The following HMGN5 variants were observed in gnomAD, a reference collection of about 807,000 sequenced individuals.
HMGN5 encodes the protein high mobility group nucleosome binding domain 5, also known as high mobility group nucleosome-binding domain-containing protein 5.
In HMGN5, 4 loss-of-function variants were observed where a neutral mutation model predicts 9.5. That is an observed-to-expected ratio of 0.42 (90% confidence interval 0.21 to 0.96). The LOEUF (loss-of-function observed/expected upper bound fraction) is 0.96. Ranked by LOEUF, HMGN5 falls within the 40% of genes least tolerant of loss-of-function variation. HMGN5 has a pLI of 0.30. For missense variants in HMGN5, 192 were observed against 187.5 expected, an observed-to-expected ratio of 1.02 and a Z score of -0.14; for synonymous variants, 55 against 57.1, an observed-to-expected ratio of 0.96 and a Z score of 0.16.
At chrX:81,169,725 C>T (rs1424381400) in intron 1 of HMGN5, among the ~76,000 whole-genome samples, 1 of 111,129 alleles carries the variant, frequency 9.0e-6, no homozygotes, top group Non-Finnish European at 1.9e-5. Context: ...AAAGATATCC[C>T]TCCTAGGCAA....
chrX:81,151,318 T>G (rs1002972295), intron 1 of HMGN5, among the ~76,000 whole-genome samples: 6 of 111,741 alleles, frequency 5.4e-5, no homozygotes, highest in Admixed American at 2.9e-4. Flanking sequence ...TCTCTGTTTT[T>G]GTACCAGTAC....
chrX:81,127,132 A>G (rs2075286157), intron 1 of HMGN5, among the ~76,000 whole-genome samples: 1 of 112,154 alleles, frequency 8.9e-6, no homozygotes, highest in South Asian at 3.6e-4. Context: ...TGGCACATTG[A>G]AAAAATGACA....
At chrX:81,155,360 G>A (rs1459943901) in intron 1 of HMGN5, among the ~76,000 whole-genome samples, 1 of 107,046 alleles carries the variant, frequency 9.3e-6, no homozygotes, top group African/African-American at 3.4e-5. Flanking sequence ...TGGATATGTT[G>A]CAGGTGAGAA....
At chrX:81,152,742 A>G (rs2075367389) in intron 1 of HMGN5, among the ~76,000 whole-genome samples, 1 of 109,597 alleles carries the variant, frequency 9.1e-6, no homozygotes, top group African/African-American at 3.3e-5. Flanking sequence ...CTTGGAACCA[A>G]CCCAAATGTC....
At chrX:81,159,868 A>C (rs2147570943) in intron 1 of HMGN5, among the ~76,000 whole-genome samples, 1 of 111,437 alleles carries the variant, frequency 9.0e-6, no homozygotes, top group East Asian at 2.8e-4. Flanking sequence ...TTAATGTATT[A>C]ATTTAAAAAG....
intron 1 of HMGN5, among the ~76,000 whole-genome samples, chrX:81,176,908 C>T (rs923454543): frequency 6.3e-5 from 7 of 111,000 alleles, no homozygotes; most frequent in African/African-American, 2.3e-4. Context: ...CCTAGAAAGA[C>T]AGGCCAACAT....
intron 1 of HMGN5, among the ~76,000 whole-genome samples, chrX:81,155,307 G>T (rs1015161844): frequency 9.6e-6 from 1 of 103,934 alleles, no homozygotes; most frequent in African/African-American, 3.5e-5. Flanking sequence ...ATATAAATTA[G>T]AGATATTAGA....
At chrX:81,136,615 G>T (rs771414019) in intron 1 of HMGN5, among the ~76,000 whole-genome samples, 11 of 111,514 alleles carry the variant, frequency 9.9e-5, no homozygotes, top group Non-Finnish European at 2.1e-4. Flanking sequence ...TAACCAACAG[G>T]AAGGCAAGAA....
intron 1 of HMGN5, among the ~76,000 whole-genome samples, chrX:81,168,378 A>G (rs2075416709): frequency 9.0e-6 from 1 of 111,713 alleles, no homozygotes; most frequent in South Asian, 3.7e-4. Flanking sequence ...TGTGGCTATG[A>G]AGGTTCTAAA....
At chrX:81,118,829 G>T in intron 3 of HMGN5, 70 bp from the exon 4 acceptor site, 3 of 727,818 alleles carry the variant, frequency 4.1e-6, no homozygotes, top group Admixed American at 2.9e-5. Flanking sequence ...TTTTATTGAG[G>T]TCAAAATATT....
intron 1 of HMGN5, among the ~76,000 whole-genome samples, chrX:81,150,038 T>G (rs936875014): frequency 8.9e-5 from 10 of 112,074 alleles, no homozygotes; most frequent in Non-Finnish European, 1.7e-4. Flanking sequence ...AGACTTAATC[T>G]GCACTATATA....
At chrX:81,120,352 G>A (rs2075265358) in intron 2 of HMGN5, among the ~76,000 whole-genome samples, 1 of 110,972 alleles carries the variant, frequency 9.0e-6, no homozygotes, top group Admixed American at 9.6e-5. Context: ...ACTGGCCGCC[G>A]ATTTTAAAAC....
At chrX:81,179,161 TCA>T (rs754095346) in intron 1 of HMGN5, among the ~76,000 whole-genome samples, 3 of 111,707 alleles carry the variant, frequency 2.7e-5, no homozygotes, top group Non-Finnish European at 5.6e-5. Context: ...ATGCCCTCTC[TCA>T]CCACTCCTAT....
At chrX:81,117,658 CCTT>C (rs1376053312) in intron 5 of HMGN5, among the ~76,000 whole-genome samples, 3 of 110,364 alleles carry the variant, frequency 2.7e-5, no homozygotes, top group African/African-American at 9.9e-5. Context: ...GAAAAAAAAA[CCTT>C]CTTTTCTTTT....
chrX:81,171,243 A>G (rs771892497), intron 1 of HMGN5, among the ~76,000 whole-genome samples: 2 of 112,321 alleles, frequency 1.8e-5, no homozygotes, highest in South Asian at 7.3e-4. Flanking sequence ...CCAACCAAAG[A>G]TGATAAGATT....
rs1238281815 is a variant in HMGN5, at chrX:81,118,459, C to T, written c.102G>A (p.Val34=). The change falls in exon 5 of 7, where the codon GTG becomes GTA. Residue 34 remains valine, a synonymous_variant. Transcript: ENST00000358130. ...TTGAACTTGATGTTCTTTTAGGCTTCACCTCTGGTGTAACTGGCACAAGCA... is the reference window on the plus strand; with the variant it reads ...TTGAACTTGATGTTCTTTTAGGCTTTACCTCTGGTGTAACTGGCACAAGCA... ...SAMLVPVTPE[V]KPKRTSSSRK... 2 of 1,175,550 alleles carry T rather than the reference C, an allele frequency of 1.7e-6. No homozygotes were observed. Among genetic ancestry groups the T allele is most frequent in the Non-Finnish European group, 2.3e-6 (2 of 872,039 alleles).
intron 1 of HMGN5, among the ~76,000 whole-genome samples, chrX:81,183,520 A>C (rs1341556988): frequency 2.7e-5 from 3 of 112,899 alleles, no homozygotes; most frequent in Non-Finnish European, 5.6e-5. Context: ...GCCATAAGCC[A>C]TGGTGGCTTC....
intron 1 of HMGN5, among the ~76,000 whole-genome samples, chrX:81,163,899 T>A (rs922258491): frequency 9.0e-6 from 1 of 111,526 alleles, no homozygotes. Context: ...TTATTTATTG[T>A]ATAGGCCTTC....
At chrX:81,130,314 T>C (rs2075295100) in intron 1 of HMGN5, among the ~76,000 whole-genome samples, 1 of 111,585 alleles carries the variant, frequency 9.0e-6, no homozygotes, top group African/African-American at 3.2e-5. Context: ...AAATTAATAA[T>C]AACAGCTTGC....
Sources: gnomAD v4.1 joint callset for allele counts (sites outside exome capture counted in the v4.1 genomes callset) on GRCh38, gnomAD v4.1.1 for gene constraint, MANE v1.5 for transcripts, NCBI Gene and HGNC (gene_info 2026-07-23, HGNC 2026-07-21) for gene names.